Variants in FOCAD observed in about 807,000 individuals in gnomAD.
FOCAD encodes focadhesin.
In FOCAD, 198 loss-of-function variants were observed where a neutral mutation model predicts 225.6. The ratio of observed to expected loss-of-function variants is 0.88; its 90% CI spans 0.78 to 0.99. FOCAD has a LOEUF of 0.99. Among genes scored for constraint, FOCAD ranks in the 50% least tolerant of loss-of-function variants. The pLI, the probability that FOCAD is intolerant of heterozygous loss-of-function variation, is 0.00. For synonymous variants in FOCAD, 897 were observed against 755.0 expected (o/e 1.19, Z -3.08); for missense variants, 2,713 against 2,123.6 (o/e 1.28, Z -5.46).
At chr9:20,742,019 T>C (rs1827662375) in intron 5 of FOCAD, among the ~76,000 whole-genome samples, 1 of 152,186 alleles carries the variant, frequency 6.6e-6, no homozygotes, top group Admixed American at 6.5e-5. Flanking sequence ...CAGTGACTTT[T>C]ACTCCATTCA....
chr9:20,806,304 A>T (rs1205240821), intron 11 of FOCAD, among the ~76,000 whole-genome samples: 1 of 152,170 alleles, frequency 6.6e-6, no homozygotes, highest in Non-Finnish European at 1.5e-5. Context: ...TGCCTTCTCA[A>T]ATGGCAAGTT....
intron 6 of FOCAD, 99 bp downstream of exon 6, chr9:20,758,290 G>A: frequency 1.3e-6 from 1 of 752,008 alleles, no homozygotes; most frequent in South Asian, 2.1e-5. Flanking sequence ...TTTCTTTTTA[G>A]CTGCTTTGAT....
intron 21 of FOCAD, among the ~76,000 whole-genome samples, chr9:20,889,831 G>GGTA (rs1831460330): frequency 7.2e-5 from 11 of 152,264 alleles, no homozygotes; most frequent in African/African-American, 2.6e-4. Context: ...CTTGAGAGAG[G>GGTA]ACTGACATCT....
intron 23 of FOCAD, among the ~76,000 whole-genome samples, chr9:20,915,822 C>T (rs747574107): frequency 1.3e-5 from 2 of 152,012 alleles, no homozygotes; most frequent in African/African-American, 4.8e-5. Flanking sequence ...CTTTAGTGCA[C>T]AAGTGGAAGG....
At chr9:20,922,512 A>G (rs952264349) in intron 24 of FOCAD, among the ~76,000 whole-genome samples, 2 of 152,220 alleles carry the variant, frequency 1.3e-5, no homozygotes, top group African/African-American at 2.4e-5. Context: ...ATGCAAGAAC[A>G]CATGTGCGCC....
intron 29 of FOCAD, among the ~76,000 whole-genome samples, chr9:20,946,013 G>T (rs1837137835): frequency 6.6e-6 from 1 of 152,088 alleles, no homozygotes; most frequent in African/African-American, 2.4e-5. Flanking sequence ...CTAGTAAATG[G>T]TCAATTTGGG....
chr9:20,865,274 T>A, intron 16 of FOCAD, among the ~76,000 whole-genome samples: 1 of 152,068 alleles, frequency 6.6e-6, no homozygotes, highest in Non-Finnish European at 1.5e-5. Context: ...AGAATTAATA[T>A]ACTGTTGCTT....
intron 15 of FOCAD, among the ~76,000 whole-genome samples, chr9:20,829,054 T>C (rs1182385767): frequency 6.6e-6 from 1 of 152,132 alleles, no homozygotes; most frequent in Non-Finnish European, 1.5e-5. Context: ...GCATTTGGGA[T>C]TGATTCCATG....
chr9:20,908,459 A>T (rs1324444822), intron 22 of FOCAD, among the ~76,000 whole-genome samples: 1 of 152,132 alleles, frequency 6.6e-6, no homozygotes, highest in Non-Finnish European at 1.5e-5. Context: ...ATTAGAAGTG[A>T]ATAGGGGACC....
intron 25 of FOCAD, 149 bp from the exon 26 acceptor site, chr9:20,926,152 C>T (rs917118499): frequency 1.9e-5 from 11 of 581,644 alleles, no homozygotes; most frequent in East Asian, 8.5e-5. Flanking sequence ...ATACCTCATA[C>T]GTGCATGCTT....
intron 5 of FOCAD, among the ~76,000 whole-genome samples, chr9:20,756,532 A>T (rs1829068390): frequency 6.6e-6 from 1 of 152,200 alleles, no homozygotes; most frequent in Non-Finnish European, 1.5e-5. Context: ...CTAGGGGACA[A>T]ACTTCATTCC....
At position 20,862,607 on chromosome 9, in the gene FOCAD, T is replaced by C; in HGVS notation, c.1950T>C (p.Ala650=). ...EVVCIRSTWN[A]LSPKLSCDTR... The stretch of plus-strand genomic sequence containing the variant: ...TTTGCATTCGCTCCACTTGGAATGC[T>C]CTCTCTCCAAAGCTGAGTTGTGACA... The change falls in exon 16 of 44, where the codon GCT becomes GCC. Residue 650 remains alanine (A), a synonymous_variant. Coordinates refer to ENST00000338382, the MANE Select transcript of FOCAD (RefSeq NM_001375567.1). 6.2e-7 allele frequency: 1 copy of C among 1,613,420 alleles called. No individual in the cohort carries two copies. Among genetic ancestry groups the C allele is most frequent in the Non-Finnish European group, 8.5e-7 (1 of 1,179,576 alleles).
intron 21 of FOCAD, among the ~76,000 whole-genome samples, chr9:20,903,172 A>C (rs1832691951): frequency 2.6e-5 from 4 of 151,812 alleles, no homozygotes; most frequent in East Asian, 2.0e-4. Flanking sequence ...TAACAATCTC[A>C]CATGACCAAG....
At chr9:20,814,021 C>T (rs952216475) in intron 11 of FOCAD, among the ~76,000 whole-genome samples, 3 of 152,134 alleles carry the variant, frequency 2.0e-5, no homozygotes, top group African/African-American at 7.2e-5. Context: ...GACAACCTTG[C>T]TGTCTTTTGG....
Position 20,880,647 on chromosome 9 carries a change from A to C in FOCAD, c.2318-1224A>C, listed in dbSNP as rs79647703. ...GCTTTGAATGGAGAATCTTGATTGC[A>C]TCTAGGAGGGTCCTGTCAGAAATGG... On this transcript the variant is annotated intron_variant, in intron 19 of 43. Transcript: ENST00000338382. Among the ~76,000 whole-genome samples the C allele has an allele frequency of 4.2e-3, 639 of 152,296 alleles. 6 individuals carry two copies. Among genetic ancestry groups the C allele is most frequent in the African/African-American group, 0.015 (618 of 41,566 alleles).
At chr9:20,888,418 T>A (rs756993424) in intron 21 of FOCAD, among the ~76,000 whole-genome samples, 2 of 152,148 alleles carry the variant, frequency 1.3e-5, no homozygotes, top group South Asian at 4.1e-4. Flanking sequence ...ATTACAGGCG[T>A]GAGCCACTGC....
At chr9:20,872,139 A>G (rs1310127360) in intron 18 of FOCAD, among the ~76,000 whole-genome samples, 1 of 152,162 alleles carries the variant, frequency 6.6e-6, no homozygotes, top group Non-Finnish European at 1.5e-5. Flanking sequence ...ATTTATGCAC[A>G]TTTGAGATGC....
chr9:20,782,179 A>C (rs1046706683), intron 10 of FOCAD, among the ~76,000 whole-genome samples: 4 of 152,190 alleles, frequency 2.6e-5, no homozygotes, highest in Admixed American at 2.0e-4. Context: ...ATACTAGTTA[A>C]AGATCCTGAA....
intron 22 of FOCAD, 53 bp downstream of exon 22, chr9:20,907,295 GTT>G: frequency 7.1e-7 from 1 of 1,417,198 alleles, no homozygotes; most frequent in Non-Finnish European, 9.9e-7. Context: ...CTTATCTCAT[GTT>G]TTGCTACAAA....
Sources: gnomAD v4.1 joint callset for allele counts (sites outside exome capture counted in the v4.1 genomes callset) on GRCh38, gnomAD v4.1.1 for gene constraint, MANE v1.5 for transcripts, NCBI Gene and HGNC (gene_info 2026-07-23, HGNC 2026-07-21) for gene names.